The following USO1 variants were observed in gnomAD, a reference collection of about 807,000 sequenced individuals.
USO1 encodes general vesicular transport factor p115.
USO1 carries 57 observed loss-of-function variants against 124.5 expected under a neutral mutation model. The ratio of observed to expected loss-of-function variants is 0.46; its 90% CI spans 0.37 to 0.57. The LOEUF (loss-of-function observed/expected upper bound fraction) is 0.57, where lower values mean the gene tolerates loss of function less well. Ranked by LOEUF, USO1 falls within the 20% of genes least tolerant of loss-of-function variation. The pLI is 0.00. For missense variants in USO1, 900 were observed against 1,040.6 expected (o/e 0.86, Z 1.86); for synonymous variants, 369 against 362.8 (o/e 1.02, Z -0.19).
chr4:75,805,020 G>C, intron 18 of USO1, 120 bp from the exon 19 acceptor site: 4 of 1,295,162 alleles, frequency 3.1e-6, no homozygotes, highest in South Asian at 3.4e-5. Flanking sequence ...GATGAAATGT[G>C]ATTGCAAAAG....
At chr4:75,739,697 C>G (rs1054116966) in intron 1 of USO1, among the ~76,000 whole-genome samples, 2 of 151,756 alleles carry the variant, frequency 1.3e-5, no homozygotes, top group African/African-American at 4.8e-5. Context: ...CAGTCATGCT[C>G]CACCACACTC....
intron 4 of USO1, among the ~76,000 whole-genome samples, chr4:75,765,509 G>T: frequency 6.6e-6 from 1 of 152,100 alleles, no homozygotes; most frequent in Non-Finnish European, 1.5e-5. Context: ...GCTTTCAAAA[G>T]ATTCTACCAG....
chr4:75,793,566 C>G (rs986216941), intron 12 of USO1, 124 bp from the exon 13 acceptor site: 2 of 1,262,856 alleles, frequency 1.6e-6, no homozygotes, highest in Non-Finnish European at 2.2e-6. Context: ...CTCATTAATA[C>G]ATGTTTAATG....
chr4:75,804,093 A>C (rs908071584), intron 17 of USO1, 41 bp from the exon 18 acceptor site: 11 of 1,600,390 alleles, frequency 6.9e-6, no homozygotes, highest in Non-Finnish European at 7.7e-6. Context: ...AATGCTAACG[A>C]GTATGACTTT....
At chr4:75,769,729 TTTTTAGTGATC>T (rs1348542667) in intron 4 of USO1, among the ~76,000 whole-genome samples, 1 of 141,668 alleles carries the variant, frequency 7.1e-6, no homozygotes, top group African/African-American at 2.5e-5. Context: ...GTTGCTTTCA[TTTTTAGTGATC>T]TTTTTTTTTT....
intron 1 of USO1, among the ~76,000 whole-genome samples, chr4:75,751,357 A>C (rs2149153496): frequency 6.7e-6 from 1 of 150,168 alleles, no homozygotes; most frequent in African/African-American, 2.4e-5. Flanking sequence ...GACTACAGAC[A>C]CGTGCCACCA....
rs372176035 is a variant in USO1 at position 75,799,717 on chromosome 4, A to G, written c.1548A>G (p.Ser516=). Residue 516 remains serine, a synonymous_variant, in exon 14 of 24, where the codon TCA becomes TCG. Transcript: ENST00000514213. ...CAGTAACGCATTTTCTTCACAATTC[A>G]GCCAATGTTCCATTTGTATCCTTTA... ...PIAVTHFLHN[S]ANVPFLTGQI... The G allele has an allele frequency of 2.5e-6, 4 of 1,613,642 alleles. No homozygotes were observed. Among genetic ancestry groups the G allele is most frequent in the Non-Finnish European group, 2.5e-6 (3 of 1,179,774 alleles).
intron 8 of USO1, among the ~76,000 whole-genome samples, chr4:75,778,482 CAT>C (rs1021794939): frequency 1.3e-5 from 2 of 152,068 alleles, no homozygotes; most frequent in Non-Finnish European, 2.9e-5. Flanking sequence ...AGGAAGAAAA[CAT>C]ATATATAAGT....
At chr4:75,733,056 C>T (rs1403906683) in intron 1 of USO1, among the ~76,000 whole-genome samples, 7 of 151,116 alleles carry the variant, frequency 4.6e-5, no homozygotes, top group Admixed American at 3.3e-4. Context: ...GTCAGGAGTT[C>T]GAGACCAGCC....
At chr4:75,799,350 G>C (rs961525735) in intron 13 of USO1, among the ~76,000 whole-genome samples, 2 of 151,912 alleles carry the variant, frequency 1.3e-5, no homozygotes, top group Non-Finnish European at 2.9e-5. Context: ...TAGCAGACAA[G>C]GTTTTTAAAC....
chr4:75,753,832 G>A (rs905515077), intron 3 of USO1, among the ~76,000 whole-genome samples: 7 of 138,560 alleles, frequency 5.1e-5, no homozygotes, highest in African/African-American at 1.9e-4. Flanking sequence ...CGCCCAGGCT[G>A]GAGTGCAGTG....
At chr4:75,748,481 G>A (rs576596625) in intron 1 of USO1, among the ~76,000 whole-genome samples, 2 of 152,110 alleles carry the variant, frequency 1.3e-5, no homozygotes, top group Non-Finnish European at 2.9e-5. Flanking sequence ...GAGCCACCGC[G>A]CCTGGCCATC....
chr4:75,751,578 C>G (rs919601438), intron 1 of USO1, among the ~76,000 whole-genome samples: 106 of 149,462 alleles, frequency 7.1e-4, no homozygotes, highest in African/African-American at 2.5e-3. Flanking sequence ...TGCCTGTAAT[C>G]CCAGCACTTT....
chr4:75,737,177 T>C (rs1490524542), intron 1 of USO1, among the ~76,000 whole-genome samples: 1 of 152,240 alleles, frequency 6.6e-6, no homozygotes, highest in African/African-American at 2.4e-5. Context: ...TTTATAAATG[T>C]GGACGAGTTA....
intron 1 of USO1, among the ~76,000 whole-genome samples, chr4:75,742,930 G>T (rs371459403): frequency 3.3e-5 from 5 of 151,834 alleles, no homozygotes; most frequent in African/African-American, 1.2e-4. Flanking sequence ...AGAGAATGAG[G>T]TTCCAGCAAC....
intron 13 of USO1, among the ~76,000 whole-genome samples, chr4:75,797,605 A>G (rs995427995): frequency 1.3e-5 from 2 of 148,768 alleles, no homozygotes; most frequent in Admixed American, 6.7e-5. Flanking sequence ...TTTGAATCAC[A>G]TTAATTTTAT....
At chr4:75,742,387 G>A (rs771672144) in intron 1 of USO1, among the ~76,000 whole-genome samples, 59 of 152,132 alleles carry the variant, frequency 3.9e-4, no homozygotes, top group African/African-American at 1.4e-3. Context: ...TCTGTGCAGT[G>A]GTCCATTGTT....
chr4:75,782,640 T>A (rs1722251205), intron 8 of USO1, 40 bp from the exon 9 acceptor site: 4 of 1,510,332 alleles, frequency 2.6e-6, no homozygotes, highest in Middle Eastern at 2.1e-4. Context: ...GCGTCAGGTT[T>A]TACGAGCCTT....
chr4:75,760,022 A>G (rs778040650), intron 4 of USO1, among the ~76,000 whole-genome samples: 1 of 151,850 alleles, frequency 6.6e-6, no homozygotes, highest in Non-Finnish European at 1.5e-5. Flanking sequence ...GACCAGTCTC[A>G]CCAACATGGT....
Sources: gnomAD v4.1 joint callset for allele counts (sites outside exome capture counted in the v4.1 genomes callset) on GRCh38, gnomAD v4.1.1 for gene constraint, MANE v1.5 for transcripts, NCBI Gene and HGNC (gene_info 2026-07-23, HGNC 2026-07-21) for gene names.